Variants in STXBP5L observed in about 807,000 individuals in gnomAD.
STXBP5L encodes syntaxin-binding protein 5-like.
Under a neutral mutation model 144.5 loss-of-function variants are expected in STXBP5L, and 65 were observed. The ratio of observed to expected loss-of-function variants is 0.45; its 90% CI spans 0.37 to 0.55. The LOEUF (loss-of-function observed/expected upper bound fraction) is 0.55, where lower values mean the gene tolerates loss of function less well. Ranked by LOEUF, STXBP5L falls within the 20% of genes least tolerant of loss-of-function variation. The pLI, the probability that STXBP5L is intolerant of heterozygous loss-of-function variation, is 0.00. For missense variants in STXBP5L, 1,298 were observed against 1,405.5 expected (o/e 0.92, Z 1.22); for synonymous variants, 505 against 469.6 (o/e 1.08, Z -0.97).
intron 5 of STXBP5L, among the ~76,000 whole-genome samples, chr3:121,113,665 T>C (rs887186473): frequency 7.1e-6 from 1 of 141,444 alleles, no homozygotes; most frequent in Non-Finnish European, 1.5e-5. Flanking sequence ...TATTCTTTTT[T>C]CTTTTTCTTT....
intron 3 of STXBP5L, among the ~76,000 whole-genome samples, chr3:121,020,069 C>A (rs1264501806): frequency 6.6e-6 from 1 of 152,140 alleles, no homozygotes; most frequent in East Asian, 1.9e-4. Flanking sequence ...AAATAGATAG[C>A]ATAAATAAAA....
At chr3:121,233,499 G>A (rs2049372476) in intron 11 of STXBP5L, 117 bp from the exon 12 acceptor site, 3 of 619,884 alleles carry the variant, frequency 4.8e-6, no homozygotes, top group Non-Finnish European at 7.6e-6. Context: ...TTGGCTTATA[G>A]TTTGGTCTTC....
intron 3 of STXBP5L, among the ~76,000 whole-genome samples, chr3:120,978,831 T>C (rs1038040289): frequency 6.6e-6 from 1 of 152,226 alleles, no homozygotes; most frequent in African/African-American, 2.4e-5. Flanking sequence ...TTTGCCTCGG[T>C]ATCAGCAGCG....
rs369106555 is a variant in STXBP5L at position 121,003,930 on chromosome 3, C to T, written c.288-37770C>T. On this transcript the variant is annotated intron_variant, in intron 3 of 26. Coordinates refer to ENST00000471454, the MANE Select transcript of STXBP5L (RefSeq NM_001308330.2). Reference sequence around the variant, plus strand: ...GGTCTACTCTGTTTTGGTACCAGTACCACGCTGTTTTGGTTACTGTAGCCT... The same window carrying T: ...GGTCTACTCTGTTTTGGTACCAGTATCACGCTGTTTTGGTTACTGTAGCCT... Among the ~76,000 whole-genome samples the T allele has an allele frequency of 5.2e-4, 79 of 152,286 alleles. 1 individual carries two copies. The South Asian group carries it at 0.015, about 30-fold the overall frequency.
At chr3:121,301,606 G>T (rs925316638) in intron 19 of STXBP5L, among the ~76,000 whole-genome samples, 1 of 152,284 alleles carries the variant, frequency 6.6e-6, no homozygotes, top group South Asian at 2.1e-4. Context: ...GTGAGAGAGG[G>T]CATCCCTGTC....
intron 13 of STXBP5L, among the ~76,000 whole-genome samples, chr3:121,240,067 C>G (rs2701057): frequency 0.75 from 113,735 of 151,914 alleles, 42,733 homozygotes; most frequent in East Asian, 0.93. Context: ...TCCCAGGGCT[C>G]TTGGGATGGA....
At chr3:121,347,968 G>T (rs571091622) in intron 20 of STXBP5L, among the ~76,000 whole-genome samples, 3 of 152,154 alleles carry the variant, frequency 2.0e-5, no homozygotes, top group Non-Finnish European at 4.4e-5. Context: ...CTGCCTAATT[G>T]CCCTGGCCAG....
At chr3:120,959,700 A>G (rs925255823) in intron 3 of STXBP5L, among the ~76,000 whole-genome samples, 3 of 152,244 alleles carry the variant, frequency 2.0e-5, no homozygotes, top group African/African-American at 7.2e-5. Flanking sequence ...CTGGCTAGCC[A>G]TATGTAGAAA....
At chr3:121,346,349 C>T (rs1204752906) in intron 20 of STXBP5L, among the ~76,000 whole-genome samples, 5 of 152,198 alleles carry the variant, frequency 3.3e-5, no homozygotes, top group African/African-American at 1.2e-4. Flanking sequence ...TCCACTCTAT[C>T]ACTGATGGGC....
At chr3:120,993,813 T>G (rs1412962024) in intron 3 of STXBP5L, among the ~76,000 whole-genome samples, 1 of 152,004 alleles carries the variant, frequency 6.6e-6, no homozygotes. Flanking sequence ...AATTTTAGGA[T>G]TTTTTTCTAT....
At chr3:121,350,674 T>C (rs1253664297) in intron 20 of STXBP5L, among the ~76,000 whole-genome samples, 3 of 152,144 alleles carry the variant, frequency 2.0e-5, no homozygotes, top group Non-Finnish European at 4.4e-5. Flanking sequence ...ATTCTTTTTT[T>C]CGTTAAACTT....
intron 20 of STXBP5L, among the ~76,000 whole-genome samples, chr3:121,344,615 C>T (rs531534276): frequency 4.1e-4 from 63 of 151,950 alleles, no homozygotes; most frequent in Middle Eastern, 6.8e-3. Context: ...TTAAAATCCA[C>T]GACAATACAA....
intron 9 of STXBP5L, among the ~76,000 whole-genome samples, chr3:121,170,054 G>T (rs553222163): frequency 6.6e-6 from 1 of 152,194 alleles, no homozygotes; most frequent in East Asian, 1.9e-4. Context: ...AATCAAAACC[G>T]CACAACTACT....
intron 5 of STXBP5L, among the ~76,000 whole-genome samples, chr3:121,059,562 G>A (rs1173364016): frequency 3.9e-5 from 6 of 151,926 alleles, no homozygotes; most frequent in Non-Finnish European, 7.4e-5. Flanking sequence ...AAATTACTTT[G>A]GTCAGTATGG....
intron 2 of STXBP5L, among the ~76,000 whole-genome samples, chr3:120,943,903 C>G (rs617332): frequency 2.0e-5 from 3 of 150,180 alleles, no homozygotes; most frequent in East Asian, 2.0e-4. Context: ...CTCTTTTTCT[C>G]TGTCTCTTCT....
At chr3:121,244,691 G>C (rs1043649686) in intron 14 of STXBP5L, among the ~76,000 whole-genome samples, 1 of 152,016 alleles carries the variant, frequency 6.6e-6, no homozygotes, top group East Asian at 1.9e-4. Context: ...AAGAAGAAAA[G>C]TTCTTATCAC....
chr3:120,974,209 T>C (rs1940649269), intron 3 of STXBP5L, among the ~76,000 whole-genome samples: 1 of 152,100 alleles, frequency 6.6e-6, no homozygotes, highest in African/African-American at 2.4e-5. Flanking sequence ...ACCTGTTGTT[T>C]CCTGACTTTT....
intron 3 of STXBP5L, among the ~76,000 whole-genome samples, chr3:120,981,030 A>T (rs769820450): frequency 6.6e-6 from 1 of 152,106 alleles, no homozygotes; most frequent in Non-Finnish European, 1.5e-5. Context: ...GAAAATAGGA[A>T]CCCAGCATCT....
At chr3:121,068,751 T>A (rs933394673) in intron 5 of STXBP5L, among the ~76,000 whole-genome samples, 2 of 152,170 alleles carry the variant, frequency 1.3e-5, no homozygotes, top group Non-Finnish European at 2.9e-5. Context: ...TATCAGCATA[T>A]GTATTTATTC....
Sources: allele counts gnomAD v4.1 joint callset (sites outside exome capture counted in the v4.1 genomes callset), GRCh38; gene constraint gnomAD v4.1.1; transcripts MANE v1.5; gene names NCBI Gene and HGNC (gene_info 2026-07-23, HGNC 2026-07-21).